GPC3: variants seen among roughly 807,000 people sequenced by gnomAD.
The protein encoded by GPC3 is glypican 3.
Under a neutral mutation model 34.4 loss-of-function variants are expected in GPC3, and 3 were observed. The observed-to-expected ratio is 0.09, with a 90% CI of 0.04 to 0.23. GPC3 has a LOEUF of 0.23. GPC3 is among the 10% of genes least tolerant of loss of function. The pLI is 1.00. For missense variants in GPC3, 351 were observed against 445.6 expected (o/e 0.79, Z 1.91); for synonymous variants, 177 against 174.0 (o/e 1.02, Z -0.13).
At chrX:133,836,986 T>A (rs939689580) in intron 2 of GPC3, among the ~76,000 whole-genome samples, 8 of 111,926 alleles carry the variant, frequency 7.1e-5, no homozygotes, top group Admixed American at 5.7e-4. Context: ...GACAGTGTCT[T>A]ACTCTGCGGG....
At chrX:133,814,481 C>T (rs2075679866) in intron 2 of GPC3, among the ~76,000 whole-genome samples, 1 of 111,231 alleles carries the variant, frequency 9.0e-6, no homozygotes, top group Non-Finnish European at 1.9e-5. Context: ...TGAGATGCTA[C>T]ATTCTGTCAA....
At chrX:133,897,052 G>A (rs1439585717) in intron 2 of GPC3, among the ~76,000 whole-genome samples, 3 of 108,195 alleles carry the variant, frequency 2.8e-5, no homozygotes, top group South Asian at 4.2e-4. Context: ...GACTACAGGC[G>A]CCCACAACCA....
intron 2 of GPC3, among the ~76,000 whole-genome samples, chrX:133,867,807 CA>C (rs2075975305): frequency 9.4e-6 from 1 of 106,571 alleles, no homozygotes; most frequent in Non-Finnish European, 1.9e-5. Context: ...GCTGAGGAGA[CA>C]AGCAGATGAA....
chrX:133,842,322 A>C (rs74805302), intron 2 of GPC3, among the ~76,000 whole-genome samples: 1 of 107,048 alleles, frequency 9.3e-6, no homozygotes. Context: ...TCTCAAAAAA[A>C]AAATAATAAT....
intron 3 of GPC3, among the ~76,000 whole-genome samples, chrX:133,728,107 T>G (rs980778552): frequency 3.6e-5 from 4 of 111,759 alleles, no homozygotes; most frequent in Non-Finnish European, 1.9e-5. Context: ...CCACTTTGAG[T>G]CCTGCAACCT....
intron 3 of GPC3, among the ~76,000 whole-genome samples, chrX:133,731,429 AT>A (rs1313346450): frequency 8.9e-6 from 1 of 112,597 alleles, no homozygotes; most frequent in Non-Finnish European, 1.9e-5. Flanking sequence ...GTATTTACAG[AT>A]TTTTTTCTTT....
intron 7 of GPC3, among the ~76,000 whole-genome samples, chrX:133,591,257 A>G (rs2124324004): frequency 8.9e-6 from 1 of 112,310 alleles, no homozygotes; most frequent in African/African-American, 3.2e-5. Flanking sequence ...GTGAACGTGC[A>G]TGGTGTTCCA....
intron 2 of GPC3, among the ~76,000 whole-genome samples, chrX:133,914,170 G>A (rs960053822): frequency 2.3e-4 from 26 of 111,479 alleles, no homozygotes; most frequent in Admixed American, 1.4e-3. Context: ...GGATTCACTA[G>A]GGTAAACATG....
chrX:133,893,228 G>A (rs1474831316), intron 2 of GPC3, among the ~76,000 whole-genome samples: 1 of 111,503 alleles, frequency 9.0e-6, no homozygotes, highest in Non-Finnish European at 1.9e-5. Context: ...TTGCACTCCA[G>A]CCTGGGCAAC....
chrX:133,715,134 G>A (rs1161640275), intron 3 of GPC3, among the ~76,000 whole-genome samples: 1 of 112,068 alleles, frequency 8.9e-6, no homozygotes, highest in Non-Finnish European at 1.9e-5. Context: ...CTAGAATAAA[G>A]CAGGCAGAAG....
chrX:133,618,227 T>C (rs1490563013), intron 6 of GPC3, among the ~76,000 whole-genome samples: 6 of 111,754 alleles, frequency 5.4e-5, no homozygotes, highest in Non-Finnish European at 9.4e-5. Flanking sequence ...TTCTTACATA[T>C]AGGGTCTAAT....
At chrX:133,818,517 C>T (rs1381230187) in intron 2 of GPC3, among the ~76,000 whole-genome samples, 1 of 111,573 alleles carries the variant, frequency 9.0e-6, no homozygotes, top group Non-Finnish European at 1.9e-5. Flanking sequence ...GAGCACTGAT[C>T]AGCTGTGTAA....
chrX:133,845,886 G>A (rs2075845247), intron 2 of GPC3, among the ~76,000 whole-genome samples: 1 of 111,618 alleles, frequency 9.0e-6, no homozygotes, highest in South Asian at 3.8e-4. Context: ...CCAGGTGTTA[G>A]ATTTGGGGTA....
intron 7 of GPC3, among the ~76,000 whole-genome samples, chrX:133,588,227 G>T (rs918043224): frequency 9.0e-6 from 1 of 111,124 alleles, no homozygotes; most frequent in African/African-American, 3.3e-5. Context: ...AAAGGAAGGG[G>T]AATTGGGATA....
chrX:133,882,070 A>G (rs1458113642), intron 2 of GPC3, among the ~76,000 whole-genome samples: 1 of 112,159 alleles, frequency 8.9e-6, no homozygotes, highest in African/African-American at 3.2e-5. Flanking sequence ...TGTGGAATGT[A>G]TGGCTAATTA....
At chrX:133,920,819 A>C (rs187052013) in intron 2 of GPC3, among the ~76,000 whole-genome samples, 118 of 111,920 alleles carry the variant, frequency 1.1e-3, no homozygotes, top group Non-Finnish European at 1.6e-3. Flanking sequence ...AGAGTTGCAA[A>C]ATTAGTTTCA....
chrX:133,763,976 T>A (rs2071823938), intron 2 of GPC3, among the ~76,000 whole-genome samples: 1 of 111,836 alleles, frequency 8.9e-6, no homozygotes, highest in Non-Finnish European at 1.9e-5. Flanking sequence ...CACTCACATG[T>A]TCATCACAGC....
In GPC3 at chrX:133,866,384, A is replaced by G. The variant is rs1214201605; in HGVS notation, c.337+86666T>C. ...TTACCTATGGCAGCTATTAATGCCT[A>G]TAAGCAATGCAGTGACCCTGGCAGT... On this transcript the variant is annotated intron_variant, in intron 2 of 7. Transcript: ENST00000370818. 5.4e-5 allele frequency among the ~76,000 whole-genome samples: 6 copies of G among 112,080 alleles called. No homozygotes were observed. In the East Asian group the frequency reaches 1.4e-3, roughly 26 times the overall value.
chrX:133,956,881 C>T (rs1164146536), intron 1 of GPC3, among the ~76,000 whole-genome samples: 1 of 111,375 alleles, frequency 9.0e-6, no homozygotes, highest in Non-Finnish European at 1.9e-5. Flanking sequence ...GGGAATGACT[C>T]TTTGAACTAC....
Sources: gnomAD v4.1 joint callset for allele counts (sites outside exome capture counted in the v4.1 genomes callset) on GRCh38, gnomAD v4.1.1 for gene constraint, MANE v1.5 for transcripts, NCBI Gene and HGNC (gene_info 2026-07-23, HGNC 2026-07-21) for gene names.